TMEM132B: variants seen among roughly 807,000 people sequenced by gnomAD.
The protein encoded by TMEM132B is transmembrane protein 132B.
Under a neutral mutation model 90.8 loss-of-function variants are expected in TMEM132B, and 18 were observed. That is an observed-to-expected ratio of 0.20 (90% CI 0.14 to 0.29). TMEM132B has a LOEUF of 0.29. Among genes scored for constraint, TMEM132B ranks in the 10% least tolerant of loss-of-function variants. The pLI is 1.00. For synonymous variants in TMEM132B, 504 were observed against 523.3 expected (o/e 0.96, Z 0.50); for missense variants, 1,096 against 1,326.8 (o/e 0.83, Z 2.70).
At chr12:125,650,598 G>T (rs1346941880) in intron 6 of TMEM132B, 85 bp from the exon 7 acceptor site, 1 of 1,491,644 alleles carries the variant, frequency 6.7e-7, no homozygotes, top group Non-Finnish European at 9.1e-7. Flanking sequence ...TCATTCTGTG[G>T]GCTCACCTAG....
intron 1 of TMEM132B, among the ~76,000 whole-genome samples, chr12:125,289,698 C>T (rs889325749): frequency 2.4e-4 from 36 of 152,192 alleles, no homozygotes; most frequent in African/African-American, 7.7e-4. Context: ...TTTCATCAGC[C>T]ACACTTTGCA....
At chr12:125,495,498 G>A (rs1882539387) in intron 3 of TMEM132B, among the ~76,000 whole-genome samples, 1 of 152,118 alleles carries the variant, frequency 6.6e-6, no homozygotes, top group Non-Finnish European at 1.5e-5. Flanking sequence ...GCTTTTTGTT[G>A]TTGCTCATCT....
At chr12:125,512,409 A>G (rs1883004837) in intron 3 of TMEM132B, among the ~76,000 whole-genome samples, 1 of 152,212 alleles carries the variant, frequency 6.6e-6, no homozygotes. Context: ...TAAGCAAAGT[A>G]TGGCTCTGGC....
rs114879381 is a variant in TMEM132B at position 125,304,912 on chromosome 12, A to G, written c.68-44540A>G. 6.7e-3 allele frequency among the ~76,000 whole-genome samples: 1,023 copies of G among 152,272 alleles called. 13 individuals are homozygous for G. The highest frequency in any genetic ancestry group is 0.023 in the African/African-American group (975 of 41,548). The stretch of plus-strand genomic sequence containing the variant: ...GTGCAGGTATTGACACATTCTTAGC[A>G]TAGCACTGGTGAGCTTTTTCCTGAG... On this transcript the variant is annotated intron_variant, in intron 1 of 8. Transcript: ENST00000682704.
intron 5 of TMEM132B, among the ~76,000 whole-genome samples, chr12:125,613,368 G>T (rs369409728): frequency 6.7e-6 from 1 of 150,076 alleles, no homozygotes; most frequent in Admixed American, 6.7e-5. Flanking sequence ...TTCTCCTGTA[G>T]ACAACATAGT....
chr12:125,404,631 GTAGA>G (rs1411913688), intron 2 of TMEM132B, among the ~76,000 whole-genome samples: 1 of 152,176 alleles, frequency 6.6e-6, no homozygotes, highest in African/African-American at 2.4e-5. Context: ...AACACTGTAG[GTAGA>G]TAGTGTTATT....
At chr12:125,290,745 A>G (rs1002556324) in intron 1 of TMEM132B, among the ~76,000 whole-genome samples, 1 of 152,072 alleles carries the variant, frequency 6.6e-6, no homozygotes, top group Admixed American at 6.5e-5. Flanking sequence ...TTGCCACGGT[A>G]AACAATACTA....
At chr12:125,503,413 C>T (rs1882747529) in intron 3 of TMEM132B, among the ~76,000 whole-genome samples, 1 of 152,232 alleles carries the variant, frequency 6.6e-6, no homozygotes, top group Admixed American at 6.5e-5. Flanking sequence ...CCTATTGTTT[C>T]AGGCCAATTA....
intron 1 of TMEM132B, among the ~76,000 whole-genome samples, chr12:125,234,862 G>A (rs1280604707): frequency 6.6e-6 from 1 of 152,112 alleles, no homozygotes; most frequent in African/African-American, 2.4e-5. Context: ...TTATCTTAGG[G>A]TGCAGGCTGT....
chr12:125,348,366 G>A (rs549561133), intron 1 of TMEM132B, among the ~76,000 whole-genome samples: 16 of 152,160 alleles, frequency 1.1e-4, no homozygotes, highest in South Asian at 2.1e-4. Context: ...TTGTTCTGTC[G>A]CCCAGATTGG....
At chr12:125,572,309 G>C (rs1884818574) in intron 4 of TMEM132B, among the ~76,000 whole-genome samples, 1 of 152,212 alleles carries the variant, frequency 6.6e-6, no homozygotes, top group Non-Finnish European at 1.5e-5. Context: ...TTTGGGAGGT[G>C]TTTATGTCAT....
At chr12:125,389,836 G>T (rs1878956777) in intron 2 of TMEM132B, among the ~76,000 whole-genome samples, 1 of 152,134 alleles carries the variant, frequency 6.6e-6, no homozygotes, top group Non-Finnish European at 1.5e-5. Flanking sequence ...TAGCCCTATG[G>T]TACCTTGCAT....
At chr12:125,553,287 C>G (rs1471038842) in intron 4 of TMEM132B, among the ~76,000 whole-genome samples, 1 of 152,186 alleles carries the variant, frequency 6.6e-6, no homozygotes, top group African/African-American at 2.4e-5. Flanking sequence ...AAATGAGCAC[C>G]TGGTAGACGC....
chr12:125,396,247 G>A (rs1879166257), intron 2 of TMEM132B, among the ~76,000 whole-genome samples: 1 of 152,130 alleles, frequency 6.6e-6, no homozygotes, highest in Admixed American at 6.5e-5. Context: ...GGAGTTTGTT[G>A]GATGATTCTC....
chr12:125,589,937 C>T (rs1885279363), intron 5 of TMEM132B, among the ~76,000 whole-genome samples: 1 of 152,014 alleles, frequency 6.6e-6, no homozygotes, highest in South Asian at 2.1e-4. Flanking sequence ...ATGTAATCCC[C>T]AGTGGTGGAG....
At chr12:125,524,128 G>A (rs1883383509) in intron 4 of TMEM132B, among the ~76,000 whole-genome samples, 1 of 152,212 alleles carries the variant, frequency 6.6e-6, no homozygotes, top group Non-Finnish European at 1.5e-5. Flanking sequence ...ACCTCCCTTT[G>A]CTTTAGTAGC....
intron 5 of TMEM132B, among the ~76,000 whole-genome samples, chr12:125,603,271 G>A (rs1325336289): frequency 2.0e-5 from 3 of 152,090 alleles, no homozygotes; most frequent in Non-Finnish European, 4.4e-5. Context: ...ATAGACCAAT[G>A]GAGTAGAATA....
intron 4 of TMEM132B, among the ~76,000 whole-genome samples, chr12:125,523,023 T>C (rs934335293): frequency 6.6e-6 from 1 of 152,200 alleles, no homozygotes; most frequent in East Asian, 1.9e-4. Context: ...CTTGTTTTGC[T>C]TGCTGGATGT....
At chr12:125,599,812 C>T (rs1885530102) in intron 5 of TMEM132B, among the ~76,000 whole-genome samples, 1 of 152,212 alleles carries the variant, frequency 6.6e-6, no homozygotes, top group African/African-American at 2.4e-5. Flanking sequence ...GGGAAGTAAG[C>T]TTAGCGCCAG....
Sources: allele counts gnomAD v4.1 joint callset (sites outside exome capture counted in the v4.1 genomes callset), GRCh38; gene constraint gnomAD v4.1.1; transcripts MANE v1.5; gene names NCBI Gene and HGNC (gene_info 2026-07-23, HGNC 2026-07-21).